The following ADCY2 variants were observed in gnomAD, a reference collection of about 807,000 sequenced individuals.
The protein encoded by ADCY2 is adenylate cyclase type 2.
A neutral mutation model predicts 125.2 loss-of-function variants in ADCY2; 31 were observed. That is an observed-to-expected ratio of 0.25 (90% CI 0.19 to 0.33). The LOEUF (loss-of-function observed/expected upper bound fraction) is 0.33. Among genes scored for constraint, ADCY2 ranks in the 10% least tolerant of loss-of-function variants. The pLI is 1.00. For missense variants in ADCY2, 904 were observed against 1,418.2 expected, an observed-to-expected ratio of 0.64 and a Z score of 5.82; for synonymous variants, 512 against 548.4, an observed-to-expected ratio of 0.93 and a Z score of 0.93.
intron 2 of ADCY2, among the ~76,000 whole-genome samples, chr5:7,464,033 G>A (rs764874555): frequency 9.2e-5 from 14 of 152,220 alleles, no homozygotes; most frequent in Middle Eastern, 3.4e-3. Context: ...TAGAGAAATG[G>A]CATAAATCAA....
At chr5:7,774,312 A>G (rs545753614) in intron 18 of ADCY2, among the ~76,000 whole-genome samples, 27 of 152,366 alleles carry the variant, frequency 1.8e-4, no homozygotes, top group Non-Finnish European at 2.8e-4. Context: ...AATTATATTT[A>G]TGATTCCTTA....
rs190732259 is a variant in ADCY2, at chr5:7,704,381, A to G, written c.1110-2363A>G. Among the ~76,000 whole-genome samples the G allele has an allele frequency of 2.0e-5, 3 of 152,320 alleles. No homozygotes were observed. The East Asian group carries it at 5.8e-4, about 29-fold the overall frequency. Reference sequence around the variant, plus strand: ...GAGGCACTTCAGCTGCAGTTTTGGAACATTTCCAATGCTTAGAAACATTTC... The same window carrying G: ...GAGGCACTTCAGCTGCAGTTTTGGAGCATTTCCAATGCTTAGAAACATTTC... On this transcript the variant is annotated intron_variant, in intron 7 of 24. Transcript: ENST00000338316.
chr5:7,693,406 G>GTTTTTTTTTTTT (rs139450063), intron 5 of ADCY2, among the ~76,000 whole-genome samples: 21 of 58,662 alleles, frequency 3.6e-4, no homozygotes, highest in Non-Finnish European at 4.0e-4. Flanking sequence ...ATTGCCTGCT[G>GTTTTTTTTTTTT]TTTTTTGTTT....
intron 15 of ADCY2, among the ~76,000 whole-genome samples, chr5:7,752,724 G>T (rs1579391771): frequency 1.3e-5 from 2 of 151,488 alleles, no homozygotes; most frequent in East Asian, 1.9e-4. Flanking sequence ...GAAAGAGAGA[G>T]GGAAGGAAGA....
chr5:7,595,433 A>G (rs1321606984), intron 3 of ADCY2, among the ~76,000 whole-genome samples: 1 of 152,204 alleles, frequency 6.6e-6, no homozygotes, highest in South Asian at 2.1e-4. Context: ...TTCCAAATAT[A>G]CATGAAATGA....
chr5:7,749,815 T>C (rs966901355), intron 15 of ADCY2: 5 of 152,142 alleles, frequency 3.3e-5, no homozygotes, highest in Non-Finnish European at 7.3e-5. Context: ...AAAGCGCAAA[T>C]AGAGAGGTCG....
At chr5:7,704,731 A>G (rs1191745419) in intron 7 of ADCY2, among the ~76,000 whole-genome samples, 1 of 152,038 alleles carries the variant, frequency 6.6e-6, no homozygotes, top group Non-Finnish European at 1.5e-5. Context: ...ACAAAAAATT[A>G]GCTGGGCGGT....
At chr5:7,687,690 A>G (rs533945738) in intron 4 of ADCY2, among the ~76,000 whole-genome samples, 1 of 152,320 alleles carries the variant, frequency 6.6e-6, no homozygotes, top group Admixed American at 6.5e-5. Context: ...GACACACAGG[A>G]AAGCATACAT....
intron 4 of ADCY2, among the ~76,000 whole-genome samples, chr5:7,633,342 A>C (rs534714893): frequency 1.3e-4 from 20 of 152,020 alleles, no homozygotes; most frequent in Non-Finnish European, 1.9e-4. Flanking sequence ...AGGCTAAGGC[A>C]GGAGAATTGC....
intron 20 of ADCY2, among the ~76,000 whole-genome samples, chr5:7,790,522 A>G (rs1479871943): frequency 6.6e-6 from 1 of 152,220 alleles, no homozygotes; most frequent in East Asian, 1.9e-4. Context: ...ATATGTCTAC[A>G]TTTGGACTTA....
chr5:7,465,863 C>T (rs530080025), intron 2 of ADCY2, among the ~76,000 whole-genome samples: 59 of 152,108 alleles, frequency 3.9e-4, no homozygotes, highest in Non-Finnish European at 7.8e-4. Flanking sequence ...GGGGGTGTTA[C>T]ATTTGCATGT....
At chr5:7,689,507 T>A (rs938025501) in intron 4 of ADCY2, among the ~76,000 whole-genome samples, 5 of 152,180 alleles carry the variant, frequency 3.3e-5, no homozygotes, top group Non-Finnish European at 5.9e-5. Context: ...TTCTGTTGCC[T>A]TTGCCCTTGT....
intron 2 of ADCY2, among the ~76,000 whole-genome samples, chr5:7,501,005 GA>G (rs1320395261): frequency 2.0e-5 from 3 of 151,998 alleles, no homozygotes; most frequent in Non-Finnish European, 4.4e-5. Context: ...TTCGTCAAGT[GA>G]TTTCACAGTT....
intron 2 of ADCY2, among the ~76,000 whole-genome samples, chr5:7,490,753 C>T (rs150858531): frequency 6.6e-6 from 1 of 152,148 alleles, no homozygotes; most frequent in Non-Finnish European, 1.5e-5. Context: ...CTTAAATCTA[C>T]TTGGTTTAAG....
chr5:7,754,357 G>C (rs1742919795), intron 15 of ADCY2, among the ~76,000 whole-genome samples: 1 of 152,058 alleles, frequency 6.6e-6, no homozygotes, highest in Non-Finnish European at 1.5e-5. Flanking sequence ...TTACCTAATT[G>C]ACAGTGATAT....
intron 5 of ADCY2, chr5:7,691,422 A>G (rs1337571877): frequency 2.0e-5 from 3 of 152,218 alleles, no homozygotes; most frequent in Non-Finnish European, 4.4e-5. Context: ...ACTTCCCAGG[A>G]GTCGTTCTGG....
At chr5:7,703,628 C>T (rs1741163587) in intron 7 of ADCY2, among the ~76,000 whole-genome samples, 1 of 152,220 alleles carries the variant, frequency 6.6e-6, no homozygotes, top group Admixed American at 6.5e-5. Flanking sequence ...GTTACTGTAG[C>T]CTTGTAGTAT....
rs1739989505 is a variant in ADCY2, at chr5:7,673,155, C to T, written c.721-17536C>T. 2.1e-5 allele frequency among the ~76,000 whole-genome samples: 3 copies of T among 141,504 alleles called. No individual in the cohort carries two copies. In the Admixed American group the frequency reaches 2.2e-4, roughly 10 times the overall value. The allele number at this position is 141,504 out of a possible 152,430, so 92.8% of individuals were successfully genotyped here. On this transcript the variant is annotated intron_variant, in intron 4 of 24. Coordinates refer to ENST00000338316, the MANE Select transcript of ADCY2 (RefSeq NM_020546.3). ...CAGTGGCTCGTGCCTATAATCCCAG[C>T]ACTTTGGGAGGCCAAGGCAGGTGGA...
chr5:7,725,237 G>A (rs955650837), intron 13 of ADCY2, among the ~76,000 whole-genome samples: 4 of 152,058 alleles, frequency 2.6e-5, no homozygotes, highest in African/African-American at 7.2e-5. Flanking sequence ...TATTTTATTC[G>A]CCTTTTGTTT....
Sources: allele counts gnomAD v4.1 joint callset (sites outside exome capture counted in the v4.1 genomes callset), GRCh38; gene constraint gnomAD v4.1.1; transcripts MANE v1.5; gene names NCBI Gene and HGNC (gene_info 2026-07-23, HGNC 2026-07-21).